CYP1A2: variants seen among roughly 807,000 people sequenced by gnomAD.
The protein encoded by CYP1A2 is cytochrome P450 1A2.
Under a neutral mutation model 34.7 loss-of-function variants are expected in CYP1A2, and 35 were observed. That is an observed-to-expected ratio of 1.01 (90% CI 0.77 to 1.34). CYP1A2 has a LOEUF of 1.34. Among genes scored for constraint, CYP1A2 ranks in the 40% most tolerant of loss-of-function variants. CYP1A2 has a pLI of 0.00. For missense variants in CYP1A2, 675 were observed against 675.8 expected (o/e 1.00, Z 0.01); for synonymous variants, 288 against 281.9 (o/e 1.02, Z -0.22).
At position 74,753,199 on chromosome 15, in the gene CYP1A2, A is replaced by G. The variant is rs2063324379; in HGVS notation, c.1182A>G (p.Thr394=). ...FTIPHSTTRD[T]TLNGFYIPKK... ...CCCTCCTCAGCACAACAAGGGACAC[A>G]ACGCTGAATGGCTTCTACATCCCCA... The change falls in exon 6 of 7, where the codon ACA becomes ACG. Residue 394 remains threonine, a synonymous_variant. Coordinates refer to ENST00000343932, the MANE Select transcript of CYP1A2 (RefSeq NM_000761.5). 1 of 1,613,588 alleles carries G rather than the reference A, an allele frequency of 6.2e-7. No individual in the cohort carries two copies. The highest frequency in any genetic ancestry group is 8.5e-7 in the Non-Finnish European group (1 of 1,179,734).
intron 6 of CYP1A2, 27 bp from the exon 7 acceptor site, chr15:74,754,764 G>A: frequency 6.3e-7 from 1 of 1,596,292 alleles, no homozygotes; most frequent in Non-Finnish European, 8.6e-7. Flanking sequence ...CAGCCCTGAG[G>A]TCCCATCTCC....
intron 2 of CYP1A2, 78 bp from the exon 3 acceptor site, chr15:74,751,111 C>T: frequency 1.3e-6 from 2 of 1,568,098 alleles, no homozygotes; most frequent in Non-Finnish European, 8.7e-7. Flanking sequence ...CCACCAGGTA[C>T]AGGCCAGGGG....
chr15:74,749,660 G>T, intron 1 of CYP1A2, 70 bp from the exon 2 acceptor site: 2 of 1,285,476 alleles, frequency 1.6e-6, no homozygotes, highest in South Asian at 1.5e-5. Flanking sequence ...TTTATCAAAT[G>T]ACTGAGGAAA....
At position 74,755,124 on chromosome 15, in the gene CYP1A2, G is replaced by A. The variant is rs776042559; in HGVS notation, c.*36G>A. ...ACCATTCTGAGGCCAGGGAGCGAGT[G>A]GGGGCCAGCCACGGGGACTCAGCCC... On this transcript the variant is annotated 3_prime_UTR_variant, in exon 7 of 7. Coordinates refer to ENST00000343932, the MANE Select transcript of CYP1A2 (RefSeq NM_000761.5). 5.7e-6 allele frequency: 9 copies of A among 1,582,700 alleles called. No individual in the cohort carries two copies. Among genetic ancestry groups the A allele is most frequent in the Non-Finnish European group, 7.7e-6 (9 of 1,163,374 alleles).
intron 5 of CYP1A2, among the ~76,000 whole-genome samples, chr15:74,752,894 T>TC (rs60926303): frequency 1.3e-5 from 2 of 148,550 alleles, no homozygotes; most frequent in Admixed American, 6.8e-5. Flanking sequence ...TTTTTTTTTT[T>TC]CATAGAAAAT....
chr15:74,754,574 C>A, intron 6 of CYP1A2, among the ~76,000 whole-genome samples: 1 of 150,652 alleles, frequency 6.6e-6, no homozygotes. Context: ...GTACTCCAGC[C>A]TGGGTGATAG....
rs2063308356 is a variant in CYP1A2 at position 74,750,317 on chromosome 15, G to A, written c.579G>A (p.Val193=). 1.2e-6 allele frequency: 2 copies of A among 1,613,946 alleles called. No homozygotes were observed. Among genetic ancestry groups the A allele is most frequent in the Non-Finnish European group, 1.7e-6 (2 of 1,179,958 alleles). ...ACTTCGACCCTTACAATCAGGTGGT[G>A]GTGTCAGTGGCCAACGTCATTGGTG... ...PGHFDPYNQV[V]VSVANVIGAM... is the part of the protein sequence containing the mutation. The change falls in exon 2 of 7, where the codon GTG becomes GTA. Residue 193 remains valine (V), a synonymous_variant. Transcript: ENST00000343932.
chr15:74,755,044 C>G lies in CYP1A2; in HGVS notation c.1507C>G (p.Arg503Gly). 1 of 1,613,868 alleles carries G rather than the reference C, an allele frequency of 6.2e-7. No individual in the cohort carries two copies. Among genetic ancestry groups the G allele is most frequent in the Non-Finnish European group, 8.5e-7 (1 of 1,179,902 alleles). The change falls in exon 7 of 7, where the codon CGC becomes GGC. Residue 503 changes from arginine (R) to glycine (G), a missense_variant. Arg to Gly is a moderately radical substitution (Grantham distance 125). Coordinates refer to ENST00000343932, the MANE Select transcript of CYP1A2 (RefSeq NM_000761.5). The part of the protein sequence containing the change: ...PIYGLTMKHA[R>G]CEHVQARLRF... ...CTACGGGCTGACCATGAAGCACGCC[C>G]GCTGTGAACATGTCCAGGCGCGGCT...
chr15:74,749,958 G>T lies in CYP1A2; in HGVS notation c.220G>T (p.Asp74Tyr). ...GTCAAGGATGAGCCAGCGCTACGGG[G>T]ACGTCCTGCAGATCCGCATTGGCTC... ...ALSRMSQRYGDVLQIRIGSTP... is the reference protein window; with the variant it reads ...ALSRMSQRYGYVLQIRIGSTP... The change falls in exon 2 of 7, where the codon GAC (aspartate) becomes TAC (tyrosine). Residue 74 changes from aspartate to tyrosine, a missense_variant. Coordinates refer to ENST00000343932, the MANE Select transcript of CYP1A2 (RefSeq NM_000761.5). 6.2e-7 allele frequency: 1 copy of T among 1,613,976 alleles called. No individual in the cohort carries two copies. The highest frequency in any genetic ancestry group is 8.5e-7 in the Non-Finnish European group (1 of 1,179,898).
rs2063310203 is a variant in CYP1A2 at position 74,750,555 on chromosome 15, CA to C, written c.818del (p.Gln273ArgfsTer62). 2 of 1,613,550 alleles carry C rather than the reference CA, an allele frequency of 1.2e-6. No homozygotes were observed. Among genetic ancestry groups the C allele is most frequent in the African/African-American group, 2.7e-5 (2 of 74,986 alleles). ...GCAGAAAACAGTCCAGGAGCACTAT[CA>C]GGACTTTGACAAGGTGAGCCCGGGG... Reference protein sequence around the residue: ...FLQKTVQEHYQDFDKNSVRDI... With the variant: ...FLQKTVQEHYXDFDKNSVRDI... On this transcript the variant is annotated frameshift_variant, in exon 2 of 7. Transcript: ENST00000343932. LOFTEE classifies it high-confidence loss of function.
rs1275833826 is a variant in CYP1A2 at position 74,756,086 on chromosome 15, A to T, written c.*998A>T. The T allele has an allele frequency of 2.7e-5, 4 of 148,696 alleles. No homozygotes were observed. Among genetic ancestry groups the T allele is most frequent in the Admixed American group, 6.7e-5 (1 of 14,880 alleles). The allele number at this position is 148,696 out of a possible 1,614,324, so 9.2% of individuals were successfully genotyped here. On this transcript the variant is annotated 3_prime_UTR_variant, in exon 7 of 7. Transcript: ENST00000343932. ...CGCCTCAGCCTCCCAAAGTGCTGGG[A>T]TTAACAGGTATGAACCACCGCGCCC...
chr15:74,750,489 C>A lies in CYP1A2; in HGVS notation c.751C>A (p.Gln251Lys). 3 of 1,614,264 alleles carry A rather than the reference C, an allele frequency of 1.9e-6. No individual in the cohort carries two copies. The highest frequency in any genetic ancestry group is 1.7e-6 in the Non-Finnish European group (2 of 1,180,046). Reference sequence around the variant, plus strand: ...TCGCTACCTGCCTAACCCTGCCCTGCAGAGGTTCAAGGCCTTCAACCAGAG... The same window carrying A: ...TCGCTACCTGCCTAACCCTGCCCTGAAGAGGTTCAAGGCCTTCAACCAGAG... The part of the protein sequence containing the change: ...ILRYLPNPAL[Q>K]RFKAFNQRFL... Residue 251 changes from glutamine to lysine, a missense_variant, in exon 2 of 7, where the codon CAG becomes AAG. Physicochemically the swap from Gln to Lys is moderately conservative, Grantham distance 53. Coordinates refer to ENST00000343932, the MANE Select transcript of CYP1A2 (RefSeq NM_000761.5).
At position 74,750,272 on chromosome 15, in the gene CYP1A2, G is replaced by A. The variant is rs779170844; in HGVS notation, c.534G>A (p.Glu178=). The change falls in exon 2 of 7, where the codon GAG becomes GAA. Residue 178 remains glutamate (E), a synonymous_variant. Coordinates refer to ENST00000343932, the MANE Select transcript of CYP1A2 (RefSeq NM_000761.5). The part of the protein sequence containing the change: ...EAKALISRLQ[E]LMAGPGHFDP... ...AGGCCCTGATCAGCAGGTTGCAGGA[G>A]CTGATGGCAGGGCCTGGGCACTTCG... The A allele has an allele frequency of 9.3e-6, 15 of 1,614,150 alleles. No individual in the cohort carries two copies. Among genetic ancestry groups the A allele is most frequent in the Non-Finnish European group, 1.1e-5 (13 of 1,180,056 alleles).
At chr15:74,752,472 C>T (rs1474458449) in intron 5 of CYP1A2, among the ~76,000 whole-genome samples, 1 of 152,202 alleles carries the variant, frequency 6.6e-6, no homozygotes, top group Non-Finnish European at 1.5e-5. Context: ...TTCATATTCC[C>T]TCCCTCCCAG....
At chr15:74,750,777 C>T (rs1250666035) in intron 2 of CYP1A2, among the ~76,000 whole-genome samples, 1 of 152,150 alleles carries the variant, frequency 6.6e-6, no homozygotes, top group Non-Finnish European at 1.5e-5. Flanking sequence ...TCTCAGGGCT[C>T]CTCAAAGCCC....
chr15:74,752,155 GCT>G lies in CYP1A2; in HGVS notation c.1079_1080del (p.Ser360Ter). 1 of 1,614,004 alleles carries G rather than the reference GCT, an allele frequency of 6.2e-7. No homozygotes were observed. The highest frequency in any genetic ancestry group is 8.5e-7 in the Non-Finnish European group (1 of 1,179,972). On this transcript the variant is annotated frameshift_variant, in exon 5 of 7. Transcript: ENST00000343932. LOFTEE classifies it high-confidence loss of function. ...TGATTGGCAGGGAGCGGCGGCCCCG[GCT>G]CTCTGACAGACCCCAGCTGCCCTAC... ...TVIGRERRPRLSDRPQLPYLE... is the reference protein window; with the variant it reads ...TVIGRERRPRXSDRPQLPYLE...
In CYP1A2 at chr15:74,754,983, C is replaced by A. The variant is rs1469949040; in HGVS notation, c.1446C>A (p.Ser482Arg). The A allele has an allele frequency of 6.2e-7, 1 of 1,614,236 alleles. No individual in the cohort carries two copies. Reference sequence around the variant, plus strand: ...TCCTGCTACAGCAACTGGAGTTCAGCGTGCCGCCGGGCGTGAAAGTCGACC... The same window carrying A: ...TCCTGCTACAGCAACTGGAGTTCAGAGTGCCGCCGGGCGTGAAAGTCGACC... The part of the protein sequence containing the change: ...LAILLQQLEF[S>R]VPPGVKVDLT... The change falls in exon 7 of 7, where the codon AGC (serine) becomes AGA (arginine). Residue 482 changes from serine (S) to arginine (R), a missense_variant. Coordinates refer to ENST00000343932, the MANE Select transcript of CYP1A2 (RefSeq NM_000761.5).
At position 74,750,026 on chromosome 15, in the gene CYP1A2, G is replaced by A; in HGVS notation, c.288G>A (p.Gln96=). The change falls in exon 2 of 7, where the codon CAG becomes CAA. Residue 96 remains glutamine, a synonymous_variant. Transcript: ENST00000343932. ...LVLSRLDTIR[Q]ALVRQGDDFK... ...TGAGCCGCCTGGACACCATCCGGCA[G>A]GCCCTGGTGCGGCAGGGCGACGATT... 1 of 1,614,072 alleles carries A rather than the reference G, an allele frequency of 6.2e-7. No individual in the cohort carries two copies. The highest frequency in any genetic ancestry group is 8.5e-7 in the Non-Finnish European group (1 of 1,180,026).
chr15:74,755,317 C>A lies in CYP1A2; in HGVS notation c.*229C>A. Reference sequence around the variant, plus strand: ...CTGTCTCTACAAAAAAAAAATTTGCCAAGAGCCTGAGTGACAGAGCAAGAC... The same window carrying A: ...CTGTCTCTACAAAAAAAAAATTTGCAAAGAGCCTGAGTGACAGAGCAAGAC... On this transcript the variant is annotated 3_prime_UTR_variant, in exon 7 of 7. Transcript: ENST00000343932. 2.4e-6 allele frequency: 1 copy of A among 413,982 alleles called. No individual in the cohort carries two copies. Among genetic ancestry groups the A allele is most frequent in the Non-Finnish European group, 4.2e-6 (1 of 240,638 alleles). The allele number at this position is 413,982 out of a possible 1,614,324, so 25.6% of individuals were successfully genotyped here.
Sources: gnomAD v4.1 joint callset for allele counts (sites outside exome capture counted in the v4.1 genomes callset) on GRCh38, gnomAD v4.1.1 for gene constraint, MANE v1.5 for transcripts, NCBI Gene and HGNC (gene_info 2026-07-23, HGNC 2026-07-21) for gene names.